The following DCP1A variants were observed in gnomAD, a reference collection of about 807,000 sequenced individuals.
The protein encoded by DCP1A is decapping mRNA 1A, also known as mRNA-decapping enzyme 1A.
In DCP1A, 20 loss-of-function variants were observed where a neutral mutation model predicts 58.0. The observed-to-expected ratio is 0.34, with a 90% CI of 0.24 to 0.50. The LOEUF is 0.50. Among genes scored for constraint, DCP1A ranks in the 20% least tolerant of loss-of-function variants. DCP1A has a pLI of 0.98. For synonymous variants in DCP1A, 285 were observed against 275.1 expected, an observed-to-expected ratio of 1.04 and a Z score of -0.36; for missense variants, 613 against 712.2, an observed-to-expected ratio of 0.86 and a Z score of 1.59.
intron 6 of DCP1A, among the ~76,000 whole-genome samples, chr3:53,294,054 C>T (rs782503716): frequency 8.7e-4 from 132 of 152,230 alleles, no homozygotes; most frequent in Middle Eastern, 3.4e-3. Flanking sequence ...GAGAGCCACA[C>T]GTGCTTCAGC....
intron 6 of DCP1A, among the ~76,000 whole-genome samples, chr3:53,297,144 T>G (rs769078293): frequency 7.2e-5 from 11 of 152,174 alleles, no homozygotes; most frequent in Non-Finnish European, 1.2e-4. Context: ...GATACTTCAG[T>G]GTGGTTTGAA....
At chr3:53,296,031 T>C (rs1707114344) in intron 6 of DCP1A, among the ~76,000 whole-genome samples, 2 of 152,074 alleles carry the variant, frequency 1.3e-5, no homozygotes, top group African/African-American at 4.8e-5. Flanking sequence ...CAGCTGGGAT[T>C]ATAGGCGTGC....
chr3:53,343,391 T>A (rs900397747), intron 2 of DCP1A, among the ~76,000 whole-genome samples: 5 of 152,162 alleles, frequency 3.3e-5, no homozygotes, highest in African/African-American at 1.2e-4. Flanking sequence ...TTAATTAGAA[T>A]CAGTACCATA....
At position 53,287,520 on chromosome 3, in the gene DCP1A, A is replaced by G; in HGVS notation, c.*60T>C. On this transcript the variant is annotated 3_prime_UTR_variant, in exon 10 of 10. Transcript: ENST00000610213. ...CTCAATGTTCTGCTCAGAAGTTTCC[A>G]TGATGAAGCCTATTTGTCTCTGAGG... 8.5e-7 allele frequency: 1 copy of G among 1,170,412 alleles called. No homozygotes were observed. Among genetic ancestry groups the G allele is most frequent in the Non-Finnish European group, 1.3e-6 (1 of 780,882 alleles). The allele number at this position is 1,170,412 out of a possible 1,614,324, so 72.5% of individuals were successfully genotyped here.
In DCP1A at chr3:53,314,887, G is replaced by A. The variant is rs150771068; in HGVS notation, c.372-2508C>T. The stretch of plus-strand genomic sequence containing the variant: ...GGGTTTCACCATGTTGACTAGGCTG[G>A]TCTTGAACTCCTGACCTCAAGTGAT... On this transcript the variant is annotated intron_variant, in intron 4 of 9. Transcript: ENST00000610213. Among the ~76,000 whole-genome samples, 140 of 151,850 alleles carry A rather than the reference G, an allele frequency of 9.2e-4. 2 individuals carry two copies. In the East Asian group the frequency reaches 0.023, roughly 25 times the overall value.
intron 5 of DCP1A, among the ~76,000 whole-genome samples, chr3:53,311,478 A>C (rs1366347557): frequency 1.3e-5 from 2 of 152,216 alleles, no homozygotes; most frequent in Admixed American, 6.5e-5. Flanking sequence ...AATTAACGAA[A>C]GTACCACAAT....
At chr3:53,325,625 G>A (rs1431978248) in intron 3 of DCP1A, among the ~76,000 whole-genome samples, 4 of 152,178 alleles carry the variant, frequency 2.6e-5, no homozygotes, top group Non-Finnish European at 4.4e-5. Context: ...AATGGAATAG[G>A]TATATAAACA....
chr3:53,325,939 C>A (rs1324325305), intron 3 of DCP1A, among the ~76,000 whole-genome samples: 1 of 152,170 alleles, frequency 6.6e-6, no homozygotes, highest in East Asian at 1.9e-4. Context: ...TGCAGCTTAA[C>A]CCTTTTGGCC....
chr3:53,333,568 C>T (rs182891079), intron 3 of DCP1A, among the ~76,000 whole-genome samples: 1 of 152,046 alleles, frequency 6.6e-6, no homozygotes, highest in Admixed American at 6.5e-5. Context: ...CTTTGGGAGG[C>T]CAAGGTGGGA....
intron 3 of DCP1A, among the ~76,000 whole-genome samples, chr3:53,334,886 T>C (rs551851126): frequency 7.1e-4 from 108 of 152,142 alleles, no homozygotes; most frequent in Admixed American, 1.2e-3. Flanking sequence ...ATCTTTATTT[T>C]GTTCTCTTCG....
chr3:53,326,028 A>T (rs1708094725), intron 3 of DCP1A, among the ~76,000 whole-genome samples: 1 of 152,212 alleles, frequency 6.6e-6, no homozygotes, highest in Non-Finnish European at 1.5e-5. Flanking sequence ...TTTAAATTGT[A>T]ATATCTACTT....
chr3:53,324,387 T>C (rs1407642778), intron 3 of DCP1A, among the ~76,000 whole-genome samples: 2 of 152,200 alleles, frequency 1.3e-5, no homozygotes, highest in East Asian at 1.9e-4. Context: ...CTGTCACTCA[T>C]GAGGAAAGAC....
At chr3:53,287,753 A>G (rs1706695854) in intron 9 of DCP1A, 93 bp from the exon 10 acceptor site, 3 of 895,898 alleles carry the variant, frequency 3.3e-6, no homozygotes, top group Non-Finnish European at 1.8e-6. Context: ...AAAATTGTAT[A>G]AATGATTTGT....
chr3:53,317,500 C>T (rs554686739), intron 4 of DCP1A, among the ~76,000 whole-genome samples: 12 of 152,250 alleles, frequency 7.9e-5, no homozygotes, highest in Non-Finnish European at 1.5e-4. Flanking sequence ...AAGTAAGCTG[C>T]CTTTGCTGTC....
intron 6 of DCP1A, among the ~76,000 whole-genome samples, chr3:53,300,339 CTTTT>C (rs34299781): frequency 7.2e-6 from 1 of 139,532 alleles, no homozygotes; most frequent in Non-Finnish European, 1.5e-5. Context: ...TGCTTTATGA[CTTTT>C]TTTTTTTTTT....
intron 4 of DCP1A, among the ~76,000 whole-genome samples, chr3:53,312,809 A>G (rs991112565): frequency 5.9e-5 from 9 of 152,118 alleles, no homozygotes; most frequent in Admixed American, 5.2e-4. Flanking sequence ...TATTCTTGCA[A>G]TATATAACAC....
rs150254837 is a variant in DCP1A at position 53,296,478 on chromosome 3, G to T, written c.625-3651C>A. Among the ~76,000 whole-genome samples, 433 of 152,264 alleles carry T rather than the reference G, an allele frequency of 2.8e-3. 1 individual carries two copies. The highest frequency in any genetic ancestry group is 0.01 in the African/African-American group (421 of 41,542). ...CACATAGCTGCAGACATGTTCACAG[G>T]TTCCATTTACTACACTGAACACTGT... is the stretch of plus-strand genomic sequence containing the variant. On this transcript the variant is annotated intron_variant, in intron 6 of 9. Transcript: ENST00000610213.
At chr3:53,311,570 GT>G (rs1279221862) in intron 5 of DCP1A, among the ~76,000 whole-genome samples, 1 of 152,200 alleles carries the variant, frequency 6.6e-6, no homozygotes, top group Non-Finnish European at 1.5e-5. Flanking sequence ...AAAGAAAACA[GT>G]GAATTTCAGA....
At chr3:53,297,567 G>A (rs1282538346) in intron 6 of DCP1A, among the ~76,000 whole-genome samples, 1 of 151,968 alleles carries the variant, frequency 6.6e-6, no homozygotes, top group East Asian at 1.9e-4. Context: ...CACCATGTTG[G>A]CCAGGCTGTT....
Sources: allele counts gnomAD v4.1 joint callset (sites outside exome capture counted in the v4.1 genomes callset), GRCh38; gene constraint gnomAD v4.1.1; transcripts MANE v1.5; gene names NCBI Gene and HGNC (gene_info 2026-07-23, HGNC 2026-07-21).